MCM9: variants seen among roughly 807,000 people sequenced by gnomAD.
The protein encoded by MCM9 is minichromosome maintenance 9 homologous recombination repair factor, also known as DNA helicase MCM9.
MCM9 carries 55 observed loss-of-function variants against 72.8 expected under a neutral mutation model. The observed-to-expected ratio is 0.76, with a 90% CI of 0.61 to 0.95. MCM9 has a LOEUF of 0.95. Ranked by LOEUF, MCM9 falls within the 40% of genes least tolerant of loss-of-function variation. The probability of loss-of-function intolerance (pLI) is 0.00; values close to 1 mark genes in which losing one functional copy is unlikely to be tolerated. For synonymous variants in MCM9, 480 were observed against 503.4 expected, an observed-to-expected ratio of 0.95 and a Z score of 0.62; for missense variants, 1,279 against 1,377.0, an observed-to-expected ratio of 0.93 and a Z score of 1.13.
intron 8 of MCM9, among the ~76,000 whole-genome samples, chr6:118,900,525 T>C (rs764752686): frequency 1.3e-5 from 2 of 152,224 alleles, no homozygotes; most frequent in Non-Finnish European, 2.9e-5. Context: ...GGCTATGTTA[T>C]CTTGTTTGTG....
intron 13 of MCM9, 134 bp from the exon 14 acceptor site, chr6:118,816,428 A>G (rs1773411672): frequency 3.1e-6 from 2 of 641,106 alleles, no homozygotes; most frequent in Admixed American, 3.6e-5. Context: ...TATCAAATAC[A>G]ACCTCCTAGA....
At chr6:118,817,790 G>A (rs990585586) in intron 13 of MCM9, among the ~76,000 whole-genome samples, 1 of 152,074 alleles carries the variant, frequency 6.6e-6, no homozygotes, top group Non-Finnish European at 1.5e-5. Flanking sequence ...CCACAGCCTA[G>A]CCACCATCTG....
At chr6:118,889,337 G>A (rs1376094542) in intron 8 of MCM9, among the ~76,000 whole-genome samples, 4 of 152,154 alleles carry the variant, frequency 2.6e-5, no homozygotes, top group Admixed American at 2.6e-4. Flanking sequence ...CCTAGCTTCT[G>A]CCAAGCGTCA....
intron 8 of MCM9, among the ~76,000 whole-genome samples, chr6:118,898,565 C>T (rs1779595246): frequency 1.3e-5 from 2 of 151,986 alleles, no homozygotes; most frequent in African/African-American, 4.8e-5. Flanking sequence ...GCTGGGACCA[C>T]AGGCATGTGC....
At chr6:118,817,403 C>T (rs1773479152) in intron 13 of MCM9, among the ~76,000 whole-genome samples, 1 of 151,510 alleles carries the variant, frequency 6.6e-6, no homozygotes. Flanking sequence ...GTTTTCTGTT[C>T]CTGTGTTAGT....
chr6:118,883,895 T>C (rs141180729), intron 8 of MCM9, among the ~76,000 whole-genome samples: 1 of 152,148 alleles, frequency 6.6e-6, no homozygotes, highest in African/African-American at 2.4e-5. Context: ...GAAAAAAGAA[T>C]GAGCACTGGC....
chr6:118,861,626 T>C (rs564077165), intron 8 of MCM9, among the ~76,000 whole-genome samples: 22 of 152,278 alleles, frequency 1.4e-4, no homozygotes, highest in African/African-American at 5.3e-4. Flanking sequence ...AGGAGACCTA[T>C]AGTGGGTAGC....
At chr6:118,924,188 A>G in intron 3 of MCM9, 61 bp from the exon 4 acceptor site, 1 of 1,392,246 alleles carries the variant, frequency 7.2e-7, no homozygotes, top group East Asian at 2.3e-5. Flanking sequence ...TCCAAGGGAT[A>G]TATTCTTCTC....
chr6:118,877,060 C>T (rs1291184779), intron 8 of MCM9, among the ~76,000 whole-genome samples: 3 of 152,254 alleles, frequency 2.0e-5, no homozygotes, highest in African/African-American at 4.8e-5. Context: ...TAGAGCCCAG[C>T]CACTATGTTG....
intron 9 of MCM9, among the ~76,000 whole-genome samples, chr6:118,834,751 T>C (rs533511770): frequency 6.6e-6 from 1 of 152,302 alleles, no homozygotes; most frequent in African/African-American, 2.4e-5. Flanking sequence ...TTCTGGATAT[T>C]AGACCTTTGG....
intron 8 of MCM9, among the ~76,000 whole-genome samples, chr6:118,880,051 C>CA (rs372563271): frequency 0.04 from 5,363 of 135,032 alleles, 127 homozygotes; most frequent in African/African-American, 0.077. Context: ...CAAACAACAA[C>CA]AAAAAAAAAA....
chr6:118,851,777 A>G (rs1776241407), intron 9 of MCM9, among the ~76,000 whole-genome samples: 1 of 149,274 alleles, frequency 6.7e-6, no homozygotes, highest in African/African-American at 2.6e-5. Context: ...AGAAACAAGG[A>G]AAGAACCTTA....
rs577534597 is a variant in MCM9, at chr6:118,824,562, GC to G, written c.1961+1584del. On this transcript the variant is annotated intron_variant, in intron 13 of 13. Transcript: ENST00000619706. ...GACCTCAAGTGATCTGCCCACCTTGGCCTCACAAAGTGCTGGGATTACAGGT... is the reference window on the plus strand; with the variant it reads ...GACCTCAAGTGATCTGCCCACCTTGGCTCACAAAGTGCTGGGATTACAGGT... Among the ~76,000 whole-genome samples, 17 of 152,224 alleles carry G rather than the reference GC, an allele frequency of 1.1e-4. No homozygotes were observed. The South Asian group carries it at 3.1e-3, about 28-fold the overall frequency.
At chr6:118,818,253 T>C (rs748634680) in intron 13 of MCM9, among the ~76,000 whole-genome samples, 11 of 152,238 alleles carry the variant, frequency 7.2e-5, no homozygotes, top group Non-Finnish European at 1.2e-4. Context: ...AGGGTTTTTA[T>C]GGTTTTAGGT....
At chr6:118,926,978 T>C (rs1583696292) in intron 3 of MCM9, among the ~76,000 whole-genome samples, 1 of 152,166 alleles carries the variant, frequency 6.6e-6, no homozygotes, top group African/African-American at 2.4e-5. Context: ...CAACAATTAC[T>C]TCTACGAAGG....
intron 9 of MCM9, among the ~76,000 whole-genome samples, chr6:118,846,769 C>T (rs1371778555): frequency 6.6e-6 from 1 of 151,780 alleles, no homozygotes; most frequent in Non-Finnish European, 1.5e-5. Context: ...ACTGAGATTC[C>T]TCTGAACTAA....
intron 8 of MCM9, among the ~76,000 whole-genome samples, chr6:118,867,432 T>C (rs193034285): frequency 1.2e-4 from 18 of 152,350 alleles, no homozygotes; most frequent in Admixed American, 8.5e-4. Context: ...AGTAATGTTC[T>C]AAGCCCTTAT....
chr6:118,834,107 T>C (rs1368270973), intron 9 of MCM9, among the ~76,000 whole-genome samples: 1 of 152,064 alleles, frequency 6.6e-6, no homozygotes, highest in Non-Finnish European at 1.5e-5. Context: ...AGTGAGAACA[T>C]GCAGTGTTTG....
In MCM9 at chr6:118,887,208, G is replaced by A. The variant is rs962553142; in HGVS notation, c.1150+24442C>T. 4.6e-5 allele frequency among the ~76,000 whole-genome samples: 7 copies of A among 152,122 alleles called. 1 individual carries two copies. In the South Asian group the frequency reaches 8.3e-4, roughly 18 times the overall value. On this transcript the variant is annotated intron_variant, in intron 8 of 13. Coordinates refer to ENST00000619706, the MANE Select transcript of MCM9 (RefSeq NM_017696.3). ...ATATTGAAAAAAAAGAACAAGGTTGGAGGACTCACACTTCCTGCTTTCAAA... is the reference window on the plus strand; with the variant it reads ...ATATTGAAAAAAAAGAACAAGGTTGAAGGACTCACACTTCCTGCTTTCAAA...
Sources: allele counts gnomAD v4.1 joint callset (sites outside exome capture counted in the v4.1 genomes callset), GRCh38; gene constraint gnomAD v4.1.1; transcripts MANE v1.5; gene names NCBI Gene and HGNC (gene_info 2026-07-23, HGNC 2026-07-21).